The following POLK variants were observed in gnomAD, a reference collection of about 807,000 sequenced individuals.
The protein encoded by POLK is DNA polymerase kappa.
In POLK, 76 loss-of-function variants were observed where a neutral mutation model predicts 94.0. That is an observed-to-expected ratio of 0.81 (90% CI 0.67 to 0.98). POLK has a LOEUF of 0.98. Ranked by LOEUF, POLK falls within the 50% of genes least tolerant of loss-of-function variation. The pLI, the probability that POLK is intolerant of heterozygous loss-of-function variation, is 0.00. For missense variants in POLK, 954 were observed against 1,010.1 expected (o/e 0.94, Z 0.75); for synonymous variants, 349 against 325.4 (o/e 1.07, Z -0.78).
intron 3 of POLK, among the ~76,000 whole-genome samples, chr5:75,558,334 A>G (rs1770753090): frequency 1.3e-5 from 2 of 151,330 alleles, no homozygotes; most frequent in Non-Finnish European, 2.9e-5. Flanking sequence ...GCATACTCAT[A>G]TCTTTAGTCA....
intron 3 of POLK, chr5:75,568,901 T>C (rs1771429808): frequency 4.7e-6 from 1 of 214,922 alleles, no homozygotes; most frequent in Non-Finnish European, 9.5e-6. Flanking sequence ...TTATAGTGAG[T>C]TGGACTCCAA....
At chr5:75,534,621 A>G (rs978992485) in intron 1 of POLK, among the ~76,000 whole-genome samples, 1 of 152,184 alleles carries the variant, frequency 6.6e-6, no homozygotes, top group Non-Finnish European at 1.5e-5. Context: ...TAGGTCTCTA[A>G]GAACTTGATT....
Position 75,569,560 on chromosome 5 carries a change from AGG to A in POLK, c.408+72_408+73del, listed in dbSNP as rs1163205877. Reference sequence around the variant, plus strand: ...TCAAGTAAGCTTTACTGTTTCATGAAGGGGGAATTCTTTATTGAGGTCTACCA... The same window carrying A: ...TCAAGTAAGCTTTACTGTTTCATGAAGGGAATTCTTTATTGAGGTCTACCA... On this transcript the variant is annotated intron_variant, in intron 4 of 14. Transcript: ENST00000241436. 2.2e-6 allele frequency: 3 copies of A among 1,356,680 alleles called. No individual in the cohort carries two copies. In the East Asian group the frequency reaches 7.0e-5, roughly 32 times the overall value. The allele number at this position is 1,356,680 out of a possible 1,614,324, so 84.0% of individuals were successfully genotyped here.
intron 2 of POLK, among the ~76,000 whole-genome samples, chr5:75,551,539 A>C (rs1370451936): frequency 6.6e-6 from 1 of 152,260 alleles, no homozygotes; most frequent in Non-Finnish European, 1.5e-5. Flanking sequence ...ACCGAATCAA[A>C]AAATGGTCAA....
At chr5:75,547,083 C>A in exon 2 of POLK, 1 of 1,518,796 alleles carries the variant, frequency 6.6e-7, no homozygotes. Context: ...TAGGATGGGA[C>A]TTAATGATAA....
intron 1 of POLK, among the ~76,000 whole-genome samples, chr5:75,514,563 T>C (rs896554813): frequency 6.6e-6 from 1 of 152,218 alleles, no homozygotes; most frequent in Non-Finnish European, 1.5e-5. Context: ...AAGGTAGACA[T>C]TATTCTTACT....
intron 3 of POLK, among the ~76,000 whole-genome samples, chr5:75,555,017 A>G (rs1770544300): frequency 6.6e-6 from 1 of 152,208 alleles, no homozygotes; most frequent in Non-Finnish European, 1.5e-5. Flanking sequence ...TTAGGTTCAC[A>G]GCAAAATTGA....
At chr5:75,581,397 A>G in exon 7 of POLK, 1 of 1,613,776 alleles carries the variant, frequency 6.2e-7, no homozygotes, top group Non-Finnish European at 8.5e-7. Context: ...GGAAGTGGTA[A>G]AGGAAATTCG....
Position 75,546,998 on chromosome 5 carries a change from A to G in POLK, c.-13-12A>G. Reference sequence around the variant, plus strand: ...GGTTTTAAAAGCAGTGTTTATCTTTATGCTTTTTCAGATAAGTTTATACCA... The same window carrying G: ...GGTTTTAAAAGCAGTGTTTATCTTTGTGCTTTTTCAGATAAGTTTATACCA... On this transcript the variant is annotated splice_polypyrimidine_tract_variant and intron_variant, in intron 1 of 14. Transcript: ENST00000241436. 1 of 1,405,888 alleles carries G rather than the reference A, an allele frequency of 7.1e-7. No homozygotes were observed. The highest frequency in any genetic ancestry group is 9.6e-7 in the Non-Finnish European group (1 of 1,040,088). The allele number at this position is 1,405,888 out of a possible 1,614,324, so 87.1% of individuals were successfully genotyped here.
intron 1 of POLK, among the ~76,000 whole-genome samples, chr5:75,541,429 T>G (rs1257813569): frequency 6.6e-6 from 1 of 152,240 alleles, no homozygotes; most frequent in East Asian, 1.9e-4. Flanking sequence ...CCACTTATTG[T>G]TCTATAAGAA....
chr5:75,558,142 A>T (rs1581014046), intron 3 of POLK, among the ~76,000 whole-genome samples: 1 of 152,052 alleles, frequency 6.6e-6, no homozygotes. Flanking sequence ...CATACAGGAA[A>T]GTGATTGACT....
intron 2 of POLK, among the ~76,000 whole-genome samples, chr5:75,550,440 G>C (rs769719550): frequency 2.0e-5 from 3 of 152,114 alleles, no homozygotes; most frequent in South Asian, 4.2e-4. Context: ...TAAGCCAGGC[G>C]TGGTGGCATA....
exon 4 of POLK, chr5:75,569,405 C>T (rs1340235838): frequency 6.2e-7 from 1 of 1,613,190 alleles, no homozygotes; most frequent in East Asian, 2.2e-5. Context: ...TGCACATTGA[C>T]ATGGATGCTT....
At chr5:75,539,659 C>T in intron 1 of POLK, among the ~76,000 whole-genome samples, 1 of 152,136 alleles carries the variant, frequency 6.6e-6, no homozygotes, top group East Asian at 1.9e-4. Context: ...GCGTCTTACT[C>T]TCTTGCCCAG....
intron 3 of POLK, among the ~76,000 whole-genome samples, chr5:75,559,523 G>GTTTT (rs775525619): frequency 2.5e-3 from 136 of 54,688 alleles, no homozygotes; most frequent in African/African-American, 3.4e-3. Context: ...GTTTTGTTTT[G>GTTTT]TTTTTTTTTT....
chr5:75,539,439 G>A (rs762454920), intron 1 of POLK, among the ~76,000 whole-genome samples: 4 of 151,970 alleles, frequency 2.6e-5, no homozygotes, highest in African/African-American at 7.3e-5. Flanking sequence ...CTGTTATTGC[G>A]GTCTTTGAGT....
chr5:75,548,290 A>G (rs1580989842), intron 2 of POLK, among the ~76,000 whole-genome samples: 1 of 152,046 alleles, frequency 6.6e-6, no homozygotes, highest in Admixed American at 6.6e-5. Flanking sequence ...TTCTGTATAC[A>G]TATGCACATT....
chr5:75,515,646 C>T (rs1034059358), intron 1 of POLK, among the ~76,000 whole-genome samples: 2 of 152,140 alleles, frequency 1.3e-5, no homozygotes, highest in African/African-American at 4.8e-5. Context: ...CTAGATCATA[C>T]AGTAGTTGTA....
chr5:75,536,333 G>A (rs976300627), intron 1 of POLK, among the ~76,000 whole-genome samples: 2 of 152,158 alleles, frequency 1.3e-5, no homozygotes, highest in South Asian at 4.1e-4. Flanking sequence ...TGCAACATCA[G>A]CCCTAATCTG....
Sources: allele counts gnomAD v4.1 joint callset (sites outside exome capture counted in the v4.1 genomes callset), GRCh38; gene constraint gnomAD v4.1.1; transcripts MANE v1.5; gene names NCBI Gene and HGNC (gene_info 2026-07-23, HGNC 2026-07-21).